GINS3: variants seen among roughly 807,000 people sequenced by gnomAD.
The protein encoded by GINS3 is DNA replication complex GINS protein PSF3.
GINS3 carries 18 observed loss-of-function variants against 20.0 expected under a neutral mutation model. The ratio of observed to expected loss-of-function variants is 0.90; its 90% CI spans 0.62 to 1.33. GINS3 has a LOEUF of 1.33. Among genes scored for constraint, GINS3 ranks in the 40% most tolerant of loss-of-function variants. The pLI, the probability that GINS3 is intolerant of heterozygous loss-of-function variation, is 0.00. For missense variants in GINS3, 254 were observed against 273.6 expected, an observed-to-expected ratio of 0.93 and a Z score of 0.51; for synonymous variants, 109 against 107.0, an observed-to-expected ratio of 1.02 and a Z score of -0.12.
chr16:58,402,958 G>A lies in GINS3; in HGVS notation c.187-140G>A, dbSNP rs192966263. ...CACACACTTCATTGCTTCGAGTCAC[G>A]ACCAGGTCTTCTGTGCTTGACAGCC... On this transcript the variant is annotated intron_variant, in intron 1 of 2. Transcript: ENST00000318129. The A allele has an allele frequency of 1.8e-4, 118 of 642,632 alleles. No individual in the cohort carries two copies. In the Admixed American group the frequency reaches 2.0e-3, roughly 11 times the overall value. 39.8% of individuals were successfully genotyped at this position (642,632 alleles called of 1,614,324 possible).
rs768056239 is a variant in GINS3 at position 58,404,710 on chromosome 16, T to C, written c.632T>C (p.Phe211Ser). Reference protein sequence around the residue: ...NLVQNYKKRKFTDMED With the variant: ...NLVQNYKKRKSTDMED The stretch of plus-strand genomic sequence containing the variant: ...GTTCAGAATTACAAGAAGAGAAAAT[T>C]CACTGATATGGAAGACTGAAAGCCG... The change falls in exon 3 of 3, where the codon TTC becomes TCC. Residue 211 changes from phenylalanine (F) to serine (S), a missense_variant. Coordinates refer to ENST00000318129, the MANE Select transcript of GINS3 (RefSeq NM_022770.4). 4 of 1,613,588 alleles carry C rather than the reference T, an allele frequency of 2.5e-6. No individual in the cohort carries two copies. The highest frequency in any genetic ancestry group is 3.4e-6 in the Non-Finnish European group (4 of 1,179,732).
At chr16:58,397,696 ACTCGG>A (rs1247789035) in intron 1 of GINS3, among the ~76,000 whole-genome samples, 2 of 152,084 alleles carry the variant, frequency 1.3e-5, no homozygotes, top group African/African-American at 4.8e-5. Flanking sequence ...AATCACAGGC[ACTCGG>A]CAGGCTGAGG....
In GINS3 at chr16:58,404,760, A is replaced by G. The variant is rs1310793522; in HGVS notation, c.*31A>G. On this transcript the variant is annotated 3_prime_UTR_variant, in exon 3 of 3. Coordinates refer to ENST00000318129, the MANE Select transcript of GINS3 (RefSeq NM_022770.4). ...GGAAGAACACAGAATGGCTCCTCAC[A>G]GACGTATCCCTCCGTGTGTCCTTGA... is the stretch of plus-strand genomic sequence containing the variant. The G allele has an allele frequency of 6.7e-7, 1 of 1,499,898 alleles. No homozygotes were observed. Among genetic ancestry groups the G allele is most frequent in the South Asian group, 1.2e-5 (1 of 86,712 alleles). The allele number at this position is 1,499,898 out of a possible 1,614,324, so 92.9% of individuals were successfully genotyped here.
chr16:58,397,653 G>A (rs1402731824), intron 1 of GINS3, among the ~76,000 whole-genome samples: 9 of 152,220 alleles, frequency 5.9e-5, no homozygotes, highest in African/African-American at 1.7e-4. Flanking sequence ...AAAAAAATAC[G>A]AAAACCAGTC....
chr16:58,397,318 T>C (rs1434420482), intron 1 of GINS3, among the ~76,000 whole-genome samples: 4 of 146,156 alleles, frequency 2.7e-5, no homozygotes, highest in African/African-American at 7.9e-5. Flanking sequence ...CCTCACTTCC[T>C]AGATGGGATG....
intron 1 of GINS3, among the ~76,000 whole-genome samples, chr16:58,394,151 C>G (rs943310849): frequency 2.0e-5 from 3 of 152,064 alleles, no homozygotes; most frequent in Non-Finnish European, 4.4e-5. Flanking sequence ...TGCCCTTTTT[C>G]TATTCTAGGA....
chr16:58,392,594 T>G lies in GINS3; in HGVS notation c.-8T>G. ...GCGAGTGGAAGCGGAGAAGCTCAAG[T>G]GGCCGCCATGTCAGAGGCTTATTTC... is the stretch of plus-strand genomic sequence containing the variant. On this transcript the variant is annotated 5_prime_UTR_variant, in exon 1 of 3. Coordinates refer to ENST00000318129, the MANE Select transcript of GINS3 (RefSeq NM_022770.4). 6.2e-7 allele frequency: 1 copy of G among 1,613,486 alleles called. No homozygotes were observed. The highest frequency in any genetic ancestry group is 8.5e-7 in the Non-Finnish European group (1 of 1,179,458).
At chr16:58,395,269 T>G (rs1383362034) in intron 1 of GINS3, 9 of 372,568 alleles carry the variant, frequency 2.4e-5, no homozygotes, top group Middle Eastern at 5.8e-4. Context: ...TTGTCTAAAT[T>G]TTCTTTTTTT....
intron 1 of GINS3, 126 bp from the exon 2 acceptor site, chr16:58,402,950 CGAGTCACGACCAGGTCTTCTGT>C: frequency 3.2e-6 from 2 of 624,606 alleles, no homozygotes; most frequent in East Asian, 5.5e-5. Context: ...TTCATTGCTT[CGAGTCACGACCAGGTCTTCTGT>C]GCTTGACAGC....
At position 58,392,531 on chromosome 16, in the gene GINS3, C is replaced by T. The variant is rs1965791332; in HGVS notation, c.-71C>T. The T allele has an allele frequency of 2.0e-6, 3 of 1,535,316 alleles. No homozygotes were observed. The highest frequency in any genetic ancestry group is 2.7e-5 in the African/African-American group (2 of 73,012). The stretch of plus-strand genomic sequence containing the variant: ...TCCTGCCCAGTCTCCGCTTCCCCGT[C>T]TTGTACACCCCTAACTCCTGAGGCT... On this transcript the variant is annotated 5_prime_UTR_variant, in exon 1 of 3. Transcript: ENST00000318129.
At chr16:58,393,258 A>G (rs1203342492) in intron 1 of GINS3, among the ~76,000 whole-genome samples, 1 of 152,172 alleles carries the variant, frequency 6.6e-6, no homozygotes, top group Non-Finnish European at 1.5e-5. Flanking sequence ...AGTAAGCCCT[A>G]CTGAGGCTTA....
At chr16:58,394,238 C>T (rs1965820015) in intron 1 of GINS3, among the ~76,000 whole-genome samples, 1 of 152,114 alleles carries the variant, frequency 6.6e-6, no homozygotes, top group East Asian at 1.9e-4. Context: ...TTAATCAGAC[C>T]TCCTTGTTCT....
At chr16:58,395,150 A>C in intron 1 of GINS3, 2 of 454,122 alleles carry the variant, frequency 4.4e-6, no homozygotes, top group Admixed American at 8.5e-5. Context: ...GATATGGCTC[A>C]CTGCAGCCTT....
At chr16:58,393,790 A>G (rs1407410459) in intron 1 of GINS3, 1 of 149,806 alleles carries the variant, frequency 6.7e-6, no homozygotes, top group African/African-American at 2.5e-5. Flanking sequence ...AGACTGTGCC[A>G]CTGCACTCCA....
intron 1 of GINS3, among the ~76,000 whole-genome samples, chr16:58,399,289 A>G (rs1346915139): frequency 2.2e-5 from 3 of 138,128 alleles, no homozygotes; most frequent in African/African-American, 5.7e-5. Context: ...CCCCTCTCTG[A>G]AAAAAAAAAA....
At chr16:58,404,319 A>T in intron 2 of GINS3, 180 bp from the exon 3 acceptor site, 1 of 603,138 alleles carries the variant, frequency 1.7e-6, no homozygotes, top group Admixed American at 3.0e-5. Context: ...ACAGATGAGG[A>T]AATTGAGGCA....
chr16:58,393,606 G>C (rs934816586), intron 1 of GINS3: 1 of 152,188 alleles, frequency 6.6e-6, no homozygotes. Flanking sequence ...ACTTTGGGAG[G>C]CTGAGGCGGG....
intron 1 of GINS3, among the ~76,000 whole-genome samples, chr16:58,396,429 T>A (rs1275355094): frequency 6.2e-5 from 3 of 48,420 alleles, no homozygotes; most frequent in African/African-American, 2.7e-4. Context: ...GGCGGCTGGC[T>A]GGGCAGAGGG....
At position 58,392,699 on chromosome 16, in the gene GINS3, C is replaced by T; in HGVS notation, c.98C>T (p.Pro33Leu). 1.2e-6 allele frequency: 2 copies of T among 1,614,248 alleles called. No individual in the cohort carries two copies. The highest frequency in any genetic ancestry group is 8.5e-7 in the Non-Finnish European group (1 of 1,180,042). ...ATCCTGATGTCCCACGAGAAGCTGC[C>T]GGTGCGCACGGAGACCGCCATGCCT... The part of the protein sequence containing the change: ...DDILMSHEKL[P>L]VRTETAMPRL... Residue 33 changes from proline to leucine, a missense_variant, in exon 1 of 3, where the codon CCG becomes CTG. By Grantham distance (98) the Pro-to-Leu change is moderately conservative. Coordinates refer to ENST00000318129, the MANE Select transcript of GINS3 (RefSeq NM_022770.4).
Sources: allele counts gnomAD v4.1 joint callset (sites outside exome capture counted in the v4.1 genomes callset), GRCh38; gene constraint gnomAD v4.1.1; transcripts MANE v1.5; gene names NCBI Gene and HGNC (gene_info 2026-07-23, HGNC 2026-07-21).